Variants in ADGRB1 observed in about 807,000 individuals in gnomAD.
ADGRB1 encodes adhesion G protein-coupled receptor B1.
Under a neutral mutation model 175.7 loss-of-function variants are expected in ADGRB1, and 36 were observed. The ratio of observed to expected loss-of-function variants is 0.20; its 90% CI spans 0.16 to 0.27. ADGRB1 has a LOEUF of 0.27. ADGRB1 is among the 10% of genes least tolerant of loss of function. ADGRB1 has a pLI of 1.00. For missense variants in ADGRB1, 1,731 were observed against 2,255.3 expected (o/e 0.77, Z 4.71); for synonymous variants, 1,054 against 979.4 (o/e 1.08, Z -1.42).
Position 142,537,843 on chromosome 8 carries a change from C to A in ADGRB1, c.3666+761C>A, listed in dbSNP as rs959448563. Reference sequence around the variant, plus strand: ...CAACTCTTCCACACCTCGACCTCAGCATCTTCCTCCTGCAGCCTTGTGCCC... The same window carrying A: ...CAACTCTTCCACACCTCGACCTCAGAATCTTCCTCCTGCAGCCTTGTGCCC... On this transcript the variant is annotated intron_variant, in intron 26 of 30. Transcript: ENST00000517894. The surrounding 1 kb of genome is among the most constrained non-coding windows in gnomAD (Gnocchi z 4.6). 1.3e-5 allele frequency among the ~76,000 whole-genome samples: 2 copies of A among 152,196 alleles called. No individual in the cohort carries two copies. Among genetic ancestry groups the A allele is most frequent in the Non-Finnish European group, 2.9e-5 (2 of 68,022 alleles).
chr8:142,518,485 G>A (rs1274386475), intron 19 of ADGRB1, among the ~76,000 whole-genome samples: 1 of 152,162 alleles, frequency 6.6e-6, no homozygotes, highest in Non-Finnish European at 1.5e-5. Context: ...GGTGGGGCCT[G>A]GTTCCTCCCC....
chr8:142,508,262 G>T (rs1052183431), intron 17 of ADGRB1, among the ~76,000 whole-genome samples: 1 of 152,242 alleles, frequency 6.6e-6, no homozygotes, highest in Non-Finnish European at 1.5e-5. Flanking sequence ...CTGTGCCTGG[G>T]GTGGGTCTCA....
chr8:142,460,898 G>A (rs1839935326), intron 1 of ADGRB1, among the ~76,000 whole-genome samples: 3 of 151,948 alleles, frequency 2.0e-5, no homozygotes, highest in Non-Finnish European at 4.4e-5. Flanking sequence ...GCACTGCCAG[G>A]GTGGCCCTTC....
rs1200153777 is a variant in ADGRB1 at position 142,544,814 on chromosome 8, C to A, written c.*397C>A. 6.3e-6 allele frequency: 1 copy of A among 159,364 alleles called. No homozygotes were observed. The highest frequency in any genetic ancestry group is 1.4e-5 in the Non-Finnish European group (1 of 73,078). The allele number at this position is 159,364 out of a possible 1,614,324, so 9.9% of individuals were successfully genotyped here. On this transcript the variant is annotated 3_prime_UTR_variant, in exon 31 of 31. Transcript: ENST00000517894. ...CGGCCTGGCACCGTTTTTTAAACAC[C>A]CCCATCCCTCGGGAAGCAGCCAGCT...
At chr8:142,470,863 G>A (rs1364556894) in intron 2 of ADGRB1, among the ~76,000 whole-genome samples, 4 of 152,302 alleles carry the variant, frequency 2.6e-5, no homozygotes, top group African/African-American at 4.8e-5. Flanking sequence ...ACTCACTCTG[G>A]AGGCTGTTGG....
rs779049406 is a variant in ADGRB1 at position 142,542,251 on chromosome 8, G to A, written c.4017G>A (p.Lys1339=). ...CGGAGCTGAGCCGGGCCCAGGAGAA[G>A]GCTCTGGACACGAGCTACGTGATCC... ...LDSELSRAQE[K]ALDTSYVILP... is the part of the protein sequence containing the mutation. The change falls in exon 28 of 31, where the codon AAG becomes AAA. Residue 1339 remains lysine, a synonymous_variant. Transcript: ENST00000517894. The surrounding 1 kb of genome is among the most constrained non-coding windows in gnomAD (Gnocchi z 6.3). 12 of 1,613,582 alleles carry A rather than the reference G, an allele frequency of 7.4e-6. No homozygotes were observed. The highest frequency in any genetic ancestry group is 1.0e-5 in the Non-Finnish European group (12 of 1,179,838).
intron 25 of ADGRB1, among the ~76,000 whole-genome samples, chr8:142,533,904 C>T (rs1448011365): frequency 2.6e-5 from 4 of 152,230 alleles, no homozygotes; most frequent in African/African-American, 9.6e-5. Context: ...TGGCTGGTGG[C>T]CACGATTGGG....
At position 142,528,907 on chromosome 8, in the gene ADGRB1, G is replaced by A. The variant is rs116792166; in HGVS notation, c.3398+2280G>A. ...GCCTGGGCACAGGTGGAGTGCAGCTGTGGGCTGCGCTGCGGTAGGGAAGGA... is the reference window on the plus strand; with the variant it reads ...GCCTGGGCACAGGTGGAGTGCAGCTATGGGCTGCGCTGCGGTAGGGAAGGA... On this transcript the variant is annotated intron_variant, in intron 24 of 30. Coordinates refer to ENST00000517894, the MANE Select transcript of ADGRB1 (RefSeq NM_001702.3). Among the ~76,000 whole-genome samples the A allele has an allele frequency of 1.7e-3, 258 of 152,356 alleles. 3 individuals are homozygous for A. Among genetic ancestry groups the A allele is most frequent in the African/African-American group, 5.3e-3 (222 of 41,578 alleles).
At chr8:142,456,573 C>T (rs138169232) in intron 1 of ADGRB1, among the ~76,000 whole-genome samples, 7 of 152,176 alleles carry the variant, frequency 4.6e-5, no homozygotes, top group Non-Finnish European at 1.0e-4. Context: ...ACTCACCACA[C>T]GCACACACGC....
At chr8:142,466,523 G>C (rs1840285500) in intron 2 of ADGRB1, among the ~76,000 whole-genome samples, 1 of 152,168 alleles carries the variant, frequency 6.6e-6, no homozygotes, top group Non-Finnish European at 1.5e-5. Flanking sequence ...CTGGGCAGTG[G>C]GGGGCCAGGA....
At chr8:142,530,034 CTGTG>C (rs756575121) in intron 24 of ADGRB1, among the ~76,000 whole-genome samples, 27 of 142,842 alleles carry the variant, frequency 1.9e-4, no homozygotes, top group Middle Eastern at 4.2e-3. Context: ...GCGTGCATCT[CTGTG>C]TGTGAGTGCA....
At chr8:142,469,622 C>CGTGCATGTGT (rs144114675) in intron 2 of ADGRB1, among the ~76,000 whole-genome samples, 31,846 of 143,718 alleles carry the variant, frequency 0.22, 3,507 homozygotes, top group African/African-American at 0.3. Context: ...TGTGTATGCA[C>CGTGCATGTGT]GTGCATGTGT....
chr8:142,527,513 G>A (rs948361152), intron 24 of ADGRB1, among the ~76,000 whole-genome samples: 2 of 151,998 alleles, frequency 1.3e-5, no homozygotes, highest in Non-Finnish European at 2.9e-5. Flanking sequence ...GGAACCAGCC[G>A]AGCTGGTGTC....
intron 19 of ADGRB1, among the ~76,000 whole-genome samples, chr8:142,518,823 T>C (rs549782357): frequency 1.3e-5 from 2 of 152,262 alleles, no homozygotes; most frequent in East Asian, 3.9e-4. Flanking sequence ...TGAGTAGAAG[T>C]GTGGAGCAGG....
At chr8:142,538,753 C>A (rs766135215) in intron 26 of ADGRB1, among the ~76,000 whole-genome samples, 1 of 152,176 alleles carries the variant, frequency 6.6e-6, no homozygotes, top group Non-Finnish European at 1.5e-5. Context: ...TGGGTGCCGG[C>A]CTTGGCCCTG....
intron 17 of ADGRB1, among the ~76,000 whole-genome samples, chr8:142,498,340 G>GCC: frequency 6.6e-6 from 1 of 152,194 alleles, no homozygotes; most frequent in East Asian, 1.9e-4. Context: ...GTCTGAGTGT[G>GCC]CCCCGTGTTA....
At chr8:142,500,130 A>G (rs1842418300) in intron 17 of ADGRB1, among the ~76,000 whole-genome samples, 1 of 151,916 alleles carries the variant, frequency 6.6e-6, no homozygotes, top group Non-Finnish European at 1.5e-5. Context: ...CGCCAGTCCC[A>G]TGGCTGCCGT....
Position 142,464,999 on chromosome 8 carries a change from GA to G in ADGRB1, c.784+20del. 7 of 1,357,824 alleles carry G rather than the reference GA, an allele frequency of 5.2e-6. No homozygotes were observed. Among genetic ancestry groups the G allele is most frequent in the Non-Finnish European group, 6.7e-6 (7 of 1,044,500 alleles). The allele number at this position is 1,357,824 out of a possible 1,614,324, so 84.1% of individuals were successfully genotyped here. On this transcript the variant is annotated intron_variant, in intron 2 of 30. Transcript: ENST00000517894. ...GCGCCACAGGTGAGTGACTGGCGGG[GA>G]AACCTTCGGACAGGGGAGGTGGGCA...
intron 17 of ADGRB1, among the ~76,000 whole-genome samples, chr8:142,498,822 A>G (rs1842347915): frequency 6.6e-6 from 1 of 152,146 alleles, no homozygotes; most frequent in African/African-American, 2.4e-5. Flanking sequence ...TGCCAGATGC[A>G]TGGCCTGTGA....
Sources: gnomAD v4.1 joint callset for allele counts (sites outside exome capture counted in the v4.1 genomes callset) on GRCh38, gnomAD v4.1.1 for gene constraint, Gnocchi (gnomAD v3.1) non-coding constraint, MANE v1.5 for transcripts, NCBI Gene and HGNC (gene_info 2026-07-23, HGNC 2026-07-21) for gene names.